The following NTM variants were observed in gnomAD, a reference collection of about 807,000 sequenced individuals.
NTM encodes neurotrimin.
A neutral mutation model predicts 42.1 loss-of-function variants in NTM; 13 were observed. The ratio of observed to expected loss-of-function variants is 0.31; its 90% confidence interval spans 0.20 to 0.49. The LOEUF is 0.49. Among genes scored for constraint, NTM ranks in the 20% least tolerant of loss-of-function variants. The pLI, the probability that NTM is intolerant of heterozygous loss-of-function variation, is 0.99. For synonymous variants in NTM, 187 were observed against 179.2 expected, an observed-to-expected ratio of 1.04 and a Z score of -0.35; for missense variants, 373 against 452.8, an observed-to-expected ratio of 0.82 and a Z score of 1.60.
At chr11:131,836,234 A>G (rs2043476118) in intron 1 of NTM, among the ~76,000 whole-genome samples, 2 of 152,194 alleles carry the variant, frequency 1.3e-5, no homozygotes. Context: ...TAAGTTATGT[A>G]CCACCTTATA....
At chr11:131,969,821 T>C (rs943475710) in intron 2 of NTM, among the ~76,000 whole-genome samples, 20 of 152,230 alleles carry the variant, frequency 1.3e-4, no homozygotes, top group Non-Finnish European at 2.9e-5. Flanking sequence ...TAAATTTTTT[T>C]ATTTTTATTT....
chr11:132,108,945 A>G (rs2062797131), intron 2 of NTM, among the ~76,000 whole-genome samples: 1 of 152,158 alleles, frequency 6.6e-6, no homozygotes, highest in Non-Finnish European at 1.5e-5. Context: ...ATGAGTGAGA[A>G]CATGCAGTGT....
intron 2 of NTM, among the ~76,000 whole-genome samples, chr11:132,039,203 C>T (rs968235645): frequency 2.0e-5 from 3 of 152,130 alleles, no homozygotes; most frequent in Non-Finnish European, 4.4e-5. Flanking sequence ...CGCAGTTGGC[C>T]CCACTCCCAC....
intron 3 of NTM, among the ~76,000 whole-genome samples, chr11:132,169,959 C>T (rs1033017707): frequency 1.3e-5 from 2 of 152,120 alleles, no homozygotes; most frequent in African/African-American, 4.8e-5. Flanking sequence ...TATTCCAGGA[C>T]CTAGCAGAGC....
chr11:132,252,774 G>A (rs890752630), intron 4 of NTM, among the ~76,000 whole-genome samples: 1 of 152,250 alleles, frequency 6.6e-6, no homozygotes, highest in Non-Finnish European at 1.5e-5. Context: ...ATTGTTCAGA[G>A]TGACATTGAC....
intron 1 of NTM, among the ~76,000 whole-genome samples, chr11:131,422,222 A>G (rs1218354800): frequency 6.6e-6 from 1 of 152,098 alleles, no homozygotes; most frequent in Non-Finnish European, 1.5e-5. Flanking sequence ...TCACATTTGA[A>G]TGTTTCAGAA....
intron 1 of NTM, among the ~76,000 whole-genome samples, chr11:131,433,015 C>T (rs917592896): frequency 3.3e-5 from 5 of 151,608 alleles, no homozygotes; most frequent in Admixed American, 6.6e-5. Context: ...CCACCACGCC[C>T]GGCTAATTTT....
rs75987625 is a variant in NTM, at chr11:131,933,547, C to T, written c.167+21899C>T. On this transcript the variant is annotated intron_variant, in intron 2 of 8. Transcript: ENST00000683400. Reference sequence around the variant, plus strand: ...TTATTTAAGGTTATGCAGTCAGTTTCCTTGTGCTGTGGTTTGCTCCTGAAC... The same window carrying T: ...TTATTTAAGGTTATGCAGTCAGTTTTCTTGTGCTGTGGTTTGCTCCTGAAC... 8.1e-3 allele frequency among the ~76,000 whole-genome samples: 1,240 copies of T among 152,214 alleles called. 15 individuals carry two copies. Among genetic ancestry groups the T allele is most frequent in the African/African-American group, 0.029 (1,185 of 41,508 alleles).
chr11:131,439,686 G>T (rs1949446413), intron 1 of NTM, among the ~76,000 whole-genome samples: 1 of 152,226 alleles, frequency 6.6e-6, no homozygotes, highest in Non-Finnish European at 1.5e-5. Context: ...TTGGGAGGGA[G>T]TGTCCCGTTT....
At chr11:131,453,472 A>G (rs1034044340) in intron 1 of NTM, among the ~76,000 whole-genome samples, 1 of 152,098 alleles carries the variant, frequency 6.6e-6, no homozygotes, top group Non-Finnish European at 1.5e-5. Flanking sequence ...AAGAATAGAG[A>G]CTACTTTTCT....
chr11:131,964,859 A>G (rs2062630092), intron 2 of NTM, among the ~76,000 whole-genome samples: 1 of 152,142 alleles, frequency 6.6e-6, no homozygotes, highest in Non-Finnish European at 1.5e-5. Context: ...CCCTCATACT[A>G]AAGGAGAGTT....
At chr11:132,104,982 TATATATA>T (rs2062158797) in intron 2 of NTM, among the ~76,000 whole-genome samples, 3 of 117,698 alleles carry the variant, frequency 2.5e-5, no homozygotes, top group Admixed American at 8.5e-5. Flanking sequence ...TATATATATA[TATATATA>T]TATTTCATGG....
intron 1 of NTM, among the ~76,000 whole-genome samples, chr11:131,876,896 T>C (rs545076388): frequency 6.6e-6 from 1 of 151,926 alleles, no homozygotes; most frequent in East Asian, 1.9e-4. Flanking sequence ...TCTCACTCTG[T>C]CACCCAGGCT....
chr11:132,033,236 C>A (rs2076138486), intron 2 of NTM, among the ~76,000 whole-genome samples: 1 of 152,176 alleles, frequency 6.6e-6, no homozygotes, highest in Non-Finnish European at 1.5e-5. Flanking sequence ...TCATCCCCAG[C>A]TAGATGATGA....
intron 1 of NTM, among the ~76,000 whole-genome samples, chr11:131,574,909 T>C (rs936749320): frequency 1.4e-4 from 21 of 152,262 alleles, no homozygotes; most frequent in African/African-American, 4.8e-4. Flanking sequence ...GCTATTTGAA[T>C]AGCAGCAATC....
At chr11:131,561,692 A>G (rs540030132) in intron 1 of NTM, among the ~76,000 whole-genome samples, 8 of 124,624 alleles carry the variant, frequency 6.4e-5, no homozygotes, top group African/African-American at 2.7e-4. Flanking sequence ...TTAGTATCCC[A>G]GATACTCTGT....
intron 2 of NTM, among the ~76,000 whole-genome samples, chr11:131,992,144 AC>A (rs1393171941): frequency 6.6e-6 from 1 of 152,056 alleles, no homozygotes; most frequent in East Asian, 1.9e-4. Flanking sequence ...CTCTTCCTCC[AC>A]CCCCTCAAAC....
intron 1 of NTM, among the ~76,000 whole-genome samples, chr11:131,384,995 G>T (rs1195120635): frequency 1.3e-5 from 2 of 152,232 alleles, no homozygotes; most frequent in Non-Finnish European, 2.9e-5. Flanking sequence ...GGCAGCATCT[G>T]TGTGCCAGAG....
At chr11:131,603,644 A>G (rs2137447465) in intron 1 of NTM, among the ~76,000 whole-genome samples, 1 of 152,274 alleles carries the variant, frequency 6.6e-6, no homozygotes, top group Middle Eastern at 3.4e-3. Flanking sequence ...CATTTTCAAG[A>G]CCCCACGAGG....
Sources: allele counts gnomAD v4.1 joint callset (sites outside exome capture counted in the v4.1 genomes callset), GRCh38; gene constraint gnomAD v4.1.1; transcripts MANE v1.5; gene names NCBI Gene and HGNC (gene_info 2026-07-23, HGNC 2026-07-21).